USH2A: variants seen among roughly 807,000 people sequenced by gnomAD.
USH2A encodes the protein Usher syndrome 2A (autosomal recessive, mild).
USH2A carries 443 observed loss-of-function variants against 538.9 expected under a neutral mutation model. That is an observed-to-expected ratio of 0.82 (90% CI 0.76 to 0.89). The LOEUF (loss-of-function observed/expected upper bound fraction) is 0.89. USH2A is among the 40% of genes least tolerant of loss of function. USH2A has a pLI of 0.00. For synonymous variants in USH2A, 2,413 were observed against 2,273.5 expected (o/e 1.06, Z -1.75); for missense variants, 6,633 against 6,324.8 (o/e 1.05, Z -1.65).
At chr1:216,195,320 G>A (rs1263804529) in intron 19 of USH2A, among the ~76,000 whole-genome samples, 2 of 152,086 alleles carry the variant, frequency 1.3e-5, no homozygotes, top group East Asian at 3.9e-4. Context: ...TATACTGGTG[G>A]CTCAACCTCA....
At chr1:216,010,625 G>C (rs974246240) in intron 32 of USH2A, among the ~76,000 whole-genome samples, 8 of 151,730 alleles carry the variant, frequency 5.3e-5, no homozygotes, top group African/African-American at 1.9e-4. Context: ...TGTTTCCCTT[G>C]CCTCCATAAC....
chr1:215,710,778 C>T (rs975413614), intron 61 of USH2A, among the ~76,000 whole-genome samples: 11 of 151,870 alleles, frequency 7.2e-5, no homozygotes, highest in Non-Finnish European at 1.3e-4. Flanking sequence ...AGATGTAGAC[C>T]CTTAATTTTC....
intron 21 of USH2A, among the ~76,000 whole-genome samples, chr1:216,110,224 G>A (rs543194838): frequency 7.9e-5 from 12 of 152,142 alleles, no homozygotes; most frequent in Non-Finnish European, 1.5e-4. Context: ...CAGGCACAGT[G>A]TCATATGCCT....
intron 30 of USH2A, among the ~76,000 whole-genome samples, chr1:216,055,984 G>A (rs2030962863): frequency 6.6e-6 from 1 of 152,078 alleles, no homozygotes; most frequent in Non-Finnish European, 1.5e-5. Flanking sequence ...CTTACAAACA[G>A]GAAAAACATT....
At chr1:215,688,672 T>C (rs1014439672) in intron 61 of USH2A, among the ~76,000 whole-genome samples, 3 of 152,144 alleles carry the variant, frequency 2.0e-5, no homozygotes, top group African/African-American at 4.8e-5. Flanking sequence ...TTCCGTGTCA[T>C]CTTTGTGTGC....
At chr1:215,964,348 ACT>A (rs1330594619) in intron 37 of USH2A, among the ~76,000 whole-genome samples, 1 of 152,106 alleles carries the variant, frequency 6.6e-6, no homozygotes, top group Non-Finnish European at 1.5e-5. Flanking sequence ...ATCAGCTTAG[ACT>A]CTGACACGCA....
chr1:216,133,554 G>A (rs930890547), intron 21 of USH2A, among the ~76,000 whole-genome samples: 1 of 152,072 alleles, frequency 6.6e-6, no homozygotes, highest in Admixed American at 6.6e-5. Context: ...TGTGATCGTT[G>A]ACTGCTGATC....
chr1:215,798,434 T>C (rs189509029), intron 50 of USH2A, among the ~76,000 whole-genome samples: 99 of 152,282 alleles, frequency 6.5e-4, no homozygotes, highest in African/African-American at 2.2e-3. Flanking sequence ...GTACCTATCA[T>C]GTAAGATTAT....
chr1:216,270,735 G>T (rs959961694), intron 11 of USH2A, among the ~76,000 whole-genome samples: 2 of 150,384 alleles, frequency 1.3e-5, no homozygotes, highest in Non-Finnish European at 3.0e-5. Context: ...TAAGAGACAG[G>T]GTCTCACTCT....
In USH2A at chr1:215,813,757, A is replaced by C. The variant is rs1662770464; in HGVS notation, c.9718T>G (p.Tyr3240Asp). ...AQPNHQCCSGYYARILPGEVC... is the reference protein window; with the variant it reads ...AQPNHQCCSGDYARILPGEVC... ...TCACCTGGTAGAATTCTAGCGTAAT[A>C]CCCAGAGCAGCACTGATGATTTGGT... Residue 3240 changes from tyrosine (Y) to aspartate (D), a missense_variant, in exon 49 of 72, where the codon TAT becomes GAT. Transcript: ENST00000307340. 2 of 1,613,752 alleles carry C rather than the reference A, an allele frequency of 1.2e-6. No individual in the cohort carries two copies.
intron 21 of USH2A, among the ~76,000 whole-genome samples, chr1:216,144,358 A>C (rs2102613766): frequency 6.6e-6 from 1 of 151,862 alleles, no homozygotes; most frequent in African/African-American, 2.4e-5. Flanking sequence ...TTTTTTTTTT[A>C]ATACTTGGAA....
intron 4 of USH2A, among the ~76,000 whole-genome samples, chr1:216,342,975 A>T (rs2038104817): frequency 1.3e-5 from 2 of 152,056 alleles, no homozygotes; most frequent in Non-Finnish European, 2.9e-5. Flanking sequence ...GTTATGCACA[A>T]GTATCCCAGA....
chr1:216,148,654 A>G (rs556759171), intron 21 of USH2A, among the ~76,000 whole-genome samples: 407 of 152,016 alleles, frequency 2.7e-3, no homozygotes, highest in African/African-American at 9.4e-3. Context: ...CTGTCCTAAA[A>G]CCAGACAAGC....
At position 216,160,545 on chromosome 1, in the gene USH2A, G is replaced by A. The variant is rs191161800; in HGVS notation, c.4627+14707C>T. 3.0e-3 allele frequency among the ~76,000 whole-genome samples: 458 copies of A among 152,064 alleles called. 1 individual carries two copies. The highest frequency in any genetic ancestry group is 4.5e-3 in the Non-Finnish European group (307 of 67,988). ...CTAACACTTTGGGAGACTGAAGTGG[G>A]AAGACTGCTTGAGCCCAGGGGTTCA... On this transcript the variant is annotated intron_variant, in intron 21 of 71. Coordinates refer to ENST00000307340, the MANE Select transcript of USH2A (RefSeq NM_206933.4).
At chr1:215,703,749 T>A (rs1659100376) in intron 61 of USH2A, among the ~76,000 whole-genome samples, 1 of 152,148 alleles carries the variant, frequency 6.6e-6, no homozygotes, top group South Asian at 2.1e-4. Flanking sequence ...CTTGCTGGGC[T>A]CCATGGGGGT....
At chr1:215,832,010 A>G (rs1426542141) in intron 47 of USH2A, among the ~76,000 whole-genome samples, 1 of 152,040 alleles carries the variant, frequency 6.6e-6, no homozygotes, top group Non-Finnish European at 1.5e-5. Context: ...CAAACATACT[A>G]CAAACAACTT....
At chr1:215,910,891 T>C (rs553177130) in intron 38 of USH2A, among the ~76,000 whole-genome samples, 15 of 152,066 alleles carry the variant, frequency 9.9e-5, no homozygotes, top group African/African-American at 3.6e-4. Context: ...ACATTATTTG[T>C]AATAATAATA....
chr1:216,113,814 C>A (rs373392602), intron 21 of USH2A, among the ~76,000 whole-genome samples: 157 of 151,658 alleles, frequency 1.0e-3, no homozygotes, highest in African/African-American at 2.5e-3. Flanking sequence ...GGCTTCCTAG[C>A]CCAGAATTTG....
chr1:215,675,170 C>G lies in USH2A; in HGVS notation c.12741G>C (p.Gly4247=), dbSNP rs766887770. 2.0e-5 allele frequency: 32 copies of G among 1,613,902 alleles called. No homozygotes were observed. Among genetic ancestry groups the G allele is most frequent in the African/African-American group, 2.7e-5 (2 of 74,882 alleles). Residue 4247 remains glycine, a synonymous_variant, in exon 63 of 72, where the codon GGG becomes GGC. Transcript: ENST00000307340. ...EYKIYTWNSA[G]HTCSSWNVVR... ...CCACATTCCAAGAGCTACAGGTATGCCCAGCTGAATTCCAAGTGTAGATTT... is the reference window on the plus strand; with the variant it reads ...CCACATTCCAAGAGCTACAGGTATGGCCAGCTGAATTCCAAGTGTAGATTT...
Sources: gnomAD v4.1 joint callset for allele counts (sites outside exome capture counted in the v4.1 genomes callset) on GRCh38, gnomAD v4.1.1 for gene constraint, MANE v1.5 for transcripts, NCBI Gene and HGNC (gene_info 2026-07-23, HGNC 2026-07-21) for gene names.